The following CCDC178 variants were observed in gnomAD, a reference collection of about 807,000 sequenced individuals.
CCDC178 encodes coiled-coil domain-containing protein 178.
CCDC178 carries 126 observed loss-of-function variants against 117.4 expected under a neutral mutation model. That is an observed-to-expected ratio of 1.07 (90% CI 0.93 to 1.24). CCDC178 has a LOEUF of 1.24. CCDC178 is among the 50% of genes most tolerant of loss of function. The pLI is 0.00. For synonymous variants in CCDC178, 283 were observed against 313.4 expected (o/e 0.90, Z 1.02); for missense variants, 1,030 against 986.9 (o/e 1.04, Z -0.59).
chr18:33,278,430 T>C (rs565220948), intron 12 of CCDC178, among the ~76,000 whole-genome samples: 4 of 151,782 alleles, frequency 2.6e-5, no homozygotes, highest in South Asian at 4.1e-4. Flanking sequence ...CTTGATGCCC[T>C]CTTGTTTAAG....
At chr18:33,393,360 A>AT (rs1301387206) in intron 4 of CCDC178, among the ~76,000 whole-genome samples, 1 of 152,088 alleles carries the variant, frequency 6.6e-6, no homozygotes. Context: ...GAGTAAAACA[A>AT]TTTTTTTATT....
At chr18:33,323,267 T>C (rs2062538717) in intron 11 of CCDC178, 1 of 268,116 alleles carries the variant, frequency 3.7e-6, no homozygotes, top group South Asian at 1.6e-4. Flanking sequence ...AGCTTTAAGA[T>C]GACACAGAAA....
chr18:33,104,035 T>A (rs1270818298), intron 20 of CCDC178, among the ~76,000 whole-genome samples: 1 of 151,694 alleles, frequency 6.6e-6, no homozygotes, highest in Non-Finnish European at 1.5e-5. Flanking sequence ...TAAAGGAAAG[T>A]GCCAATGGGC....
At chr18:33,070,997 T>C (rs1330922650) in intron 21 of CCDC178, among the ~76,000 whole-genome samples, 3 of 151,956 alleles carry the variant, frequency 2.0e-5, no homozygotes, top group Non-Finnish European at 4.4e-5. Flanking sequence ...TTCAAATCAA[T>C]TAAGGATAAG....
intron 22 of CCDC178, among the ~76,000 whole-genome samples, chr18:32,966,032 A>C (rs542272371): frequency 3.2e-4 from 48 of 150,782 alleles, no homozygotes; most frequent in African/African-American, 1.1e-3. Flanking sequence ...CAAATTTATT[A>C]CCCTCAGTGT....
chr18:32,941,118 C>T (rs2054230785), intron 22 of CCDC178, among the ~76,000 whole-genome samples: 1 of 151,242 alleles, frequency 6.6e-6, no homozygotes, highest in South Asian at 2.1e-4. Flanking sequence ...TACAAAGTTG[C>T]TTTAGACCTC....
chr18:33,243,486 G>A (rs1396532200), intron 15 of CCDC178, among the ~76,000 whole-genome samples: 1 of 151,618 alleles, frequency 6.6e-6, no homozygotes, highest in Non-Finnish European at 1.5e-5. Context: ...TACATGTATG[G>A]CAATATCACT....
At chr18:33,065,553 A>G (rs903682076) in intron 21 of CCDC178, among the ~76,000 whole-genome samples, 7 of 152,218 alleles carry the variant, frequency 4.6e-5, no homozygotes, top group African/African-American at 1.7e-4. Flanking sequence ...GCCTTGCAAA[A>G]AAAGATATAC....
At chr18:33,229,899 C>T (rs1401650252) in intron 15 of CCDC178, among the ~76,000 whole-genome samples, 1 of 152,086 alleles carries the variant, frequency 6.6e-6, no homozygotes, top group Non-Finnish European at 1.5e-5. Flanking sequence ...AACTTATGGG[C>T]TCCTGGGGAG....
chr18:33,095,542 C>T (rs1229999011), intron 20 of CCDC178, among the ~76,000 whole-genome samples: 1 of 151,868 alleles, frequency 6.6e-6, no homozygotes, highest in Non-Finnish European at 1.5e-5. Flanking sequence ...TTTGTTCGCC[C>T]TAAGAGATGT....
chr18:33,301,896 G>A (rs527294924), intron 11 of CCDC178, among the ~76,000 whole-genome samples: 11 of 151,846 alleles, frequency 7.2e-5, no homozygotes, highest in Non-Finnish European at 1.5e-4. Flanking sequence ...TTTTTATTTT[G>A]CCATGTGAGG....
chr18:32,969,824 ACT>A (rs1261797721), intron 22 of CCDC178, among the ~76,000 whole-genome samples: 1 of 151,944 alleles, frequency 6.6e-6, no homozygotes, highest in Non-Finnish European at 1.5e-5. Context: ...TAGCTTCTTC[ACT>A]CTCTCATTTA....
In CCDC178 at chr18:33,415,166, G is replaced by A. The variant is rs187553018; in HGVS notation, c.-22-3056C>T. Among the ~76,000 whole-genome samples the A allele has an allele frequency of 6.6e-5, 10 of 152,250 alleles. No individual in the cohort carries two copies. In the East Asian group the frequency reaches 1.7e-3, roughly 26 times the overall value. ...GGTGATTCCTCAAGGATCTAGAACT[G>A]GAAATACCATTTGATCCAGCCATCC... On this transcript the variant is annotated intron_variant, in intron 2 of 22. Coordinates refer to ENST00000383096, the MANE Select transcript of CCDC178 (RefSeq NM_001105528.4).
At chr18:33,289,324 TA>T (rs1568119631) in intron 12 of CCDC178, among the ~76,000 whole-genome samples, 2 of 152,054 alleles carry the variant, frequency 1.3e-5, no homozygotes, top group African/African-American at 2.4e-5. Flanking sequence ...AAAAATAATT[TA>T]AAAAAATGGC....
chr18:33,385,942 A>G (rs922329670), intron 5 of CCDC178, among the ~76,000 whole-genome samples: 1 of 152,192 alleles, frequency 6.6e-6, no homozygotes, highest in African/African-American at 2.4e-5. Context: ...AAGAATCAAT[A>G]AAATAGGCTG....
chr18:33,438,002 T>C (rs1006529769), intron 2 of CCDC178, among the ~76,000 whole-genome samples: 3 of 152,172 alleles, frequency 2.0e-5, no homozygotes, highest in Non-Finnish European at 4.4e-5. Flanking sequence ...TAAATTTACC[T>C]AACTGAATTT....
intron 20 of CCDC178, among the ~76,000 whole-genome samples, chr18:33,142,744 ATTTAT>A (rs1347977257): frequency 6.6e-6 from 1 of 152,196 alleles, no homozygotes; most frequent in African/African-American, 2.4e-5. Context: ...GCATTTCACC[ATTTAT>A]TTTAATTTTT....
rs769649690 is a variant in CCDC178, at chr18:33,370,164, G to A, written c.234C>T (p.Ser78=). 6.2e-7 allele frequency: 1 copy of A among 1,602,708 alleles called. No homozygotes were observed. Among genetic ancestry groups the A allele is most frequent in the African/African-American group, 1.4e-5 (1 of 73,982 alleles). The change falls in exon 6 of 23, where the codon AGC becomes AGT. Residue 78 remains serine (S), a synonymous_variant. Coordinates refer to ENST00000383096, the MANE Select transcript of CCDC178 (RefSeq NM_001105528.4). ...TEGVNKGIYF[S]YPCRRHSCAV... ...CACAGCTGTGACGTCGACATGGGTA[G>A]CTAAAGTAAATGCCTTTATTCACCC...
chr18:33,397,503 A>C (rs1251424087), intron 3 of CCDC178, among the ~76,000 whole-genome samples: 1 of 152,144 alleles, frequency 6.6e-6, no homozygotes, highest in Non-Finnish European at 1.5e-5. Context: ...CTTTCTGTGT[A>C]ATTTCTCTGT....
Sources: gnomAD v4.1 joint callset for allele counts (sites outside exome capture counted in the v4.1 genomes callset) on GRCh38, gnomAD v4.1.1 for gene constraint, MANE v1.5 for transcripts, NCBI Gene and HGNC (gene_info 2026-07-23, HGNC 2026-07-21) for gene names.